The following DLGAP2 variants were observed in gnomAD, a reference collection of about 807,000 sequenced individuals.
The protein encoded by DLGAP2 is disks large-associated protein 2.
A neutral mutation model predicts 100.3 loss-of-function variants in DLGAP2; 26 were observed. The observed-to-expected ratio is 0.26, with a 90% CI of 0.19 to 0.36. DLGAP2 has a LOEUF of 0.36. DLGAP2 is among the 10% of genes least tolerant of loss of function. DLGAP2 has a pLI of 1.00. For synonymous variants in DLGAP2, 886 were observed against 630.1 expected (o/e 1.41, Z -6.08); for missense variants, 1,858 against 1,453.2 (o/e 1.28, Z -4.53).
chr8:1,376,394 C>G (rs894569146), intron 3 of DLGAP2, among the ~76,000 whole-genome samples: 4 of 152,244 alleles, frequency 2.6e-5, no homozygotes, highest in Non-Finnish European at 5.9e-5. Context: ...GAGGAGCTTC[C>G]TTGAAAAGCG....
At chr8:979,094 TA>T (rs1184528538) in intron 2 of DLGAP2, among the ~76,000 whole-genome samples, 2 of 152,110 alleles carry the variant, frequency 1.3e-5, no homozygotes, top group African/African-American at 4.8e-5. Context: ...TTAAGAATTC[TA>T]AATTGGGGGT....
At chr8:1,617,497 A>G (rs1187942617) in intron 6 of DLGAP2, among the ~76,000 whole-genome samples, 1 of 152,080 alleles carries the variant, frequency 6.6e-6, no homozygotes, top group Admixed American at 6.5e-5. Context: ...GCATTTTTTC[A>G]TGTGCTTGTT....
intron 3 of DLGAP2, among the ~76,000 whole-genome samples, chr8:1,358,278 A>C (rs2129644117): frequency 6.6e-6 from 1 of 152,294 alleles, no homozygotes; most frequent in Admixed American, 6.5e-5. Flanking sequence ...CTGAAGTATT[A>C]TCTTAACGTC....
intron 6 of DLGAP2, among the ~76,000 whole-genome samples, chr8:1,592,212 G>C (rs564292616): frequency 1.6e-4 from 24 of 152,292 alleles, no homozygotes; most frequent in African/African-American, 4.8e-4. Flanking sequence ...TGCCAGTTTA[G>C]TCCAGTTCAC....
At position 1,343,132 on chromosome 8, in the gene DLGAP2, TC is replaced by T. The variant is rs569654675; in HGVS notation, c.106+84253del. ...TAATTATTCACCAAGCGTGCAGAAGTCCCCAAGACCACCTGGAGGCTCAGGA... is the reference window on the plus strand; with the variant it reads ...TAATTATTCACCAAGCGTGCAGAAGTCCCAAGACCACCTGGAGGCTCAGGA... On this transcript the variant is annotated intron_variant, in intron 3 of 14. Coordinates refer to ENST00000637795, the MANE Select transcript of DLGAP2 (RefSeq NM_001346810.2). Among the ~76,000 whole-genome samples the T allele has an allele frequency of 2.6e-3, 396 of 152,174 alleles. 2 individuals are homozygous for T. The highest frequency in any genetic ancestry group is 9.1e-3 in the African/African-American group (376 of 41,500).
chr8:1,333,418 A>T (rs1801202300), intron 3 of DLGAP2, among the ~76,000 whole-genome samples: 1 of 152,122 alleles, frequency 6.6e-6, no homozygotes, highest in South Asian at 2.1e-4. Flanking sequence ...GTCTTCATTT[A>T]TCCAACTGTG....
intron 2 of DLGAP2, among the ~76,000 whole-genome samples, chr8:980,501 C>T (rs1488994172): frequency 3.9e-5 from 6 of 152,186 alleles, no homozygotes; most frequent in Admixed American, 6.5e-5. Flanking sequence ...TGCCTTGGAG[C>T]AGGGATTGGG....
At chr8:799,054 C>G (rs1796094873) in intron 1 of DLGAP2, among the ~76,000 whole-genome samples, 1 of 152,102 alleles carries the variant, frequency 6.6e-6, no homozygotes, top group Non-Finnish European at 1.5e-5. Flanking sequence ...TTAAGAGACT[C>G]TGTCGGTCCT....
At chr8:1,432,176 T>A (rs541943739) in intron 3 of DLGAP2, among the ~76,000 whole-genome samples, 94 of 152,354 alleles carry the variant, frequency 6.2e-4, no homozygotes, top group Non-Finnish European at 1.0e-3. Context: ...GAAACAAGTG[T>A]TTCTCTTTCT....
intron 1 of DLGAP2, among the ~76,000 whole-genome samples, chr8:830,274 C>T (rs1796756788): frequency 6.6e-6 from 1 of 152,124 alleles, no homozygotes; most frequent in South Asian, 2.1e-4. Flanking sequence ...GTATCCATCC[C>T]CTCAAGCATT....
chr8:1,555,070 T>C, intron 5 of DLGAP2, among the ~76,000 whole-genome samples: 1 of 152,250 alleles, frequency 6.6e-6, no homozygotes, highest in East Asian at 1.9e-4. Context: ...AAGTGGCTCA[T>C]GGTATAGATC....
intron 2 of DLGAP2, among the ~76,000 whole-genome samples, chr8:1,143,118 C>T (rs185044876): frequency 6.6e-6 from 1 of 152,298 alleles, no homozygotes; most frequent in East Asian, 1.9e-4. Context: ...CGGCCACCCT[C>T]CAGCCAGGGT....
At chr8:1,063,603 A>T (rs116826434) in intron 2 of DLGAP2, among the ~76,000 whole-genome samples, 2,186 of 143,246 alleles carry the variant, frequency 0.015, 60 homozygotes, top group African/African-American at 0.053. Context: ...CCTCTTTCTG[A>T]TGAAATAGAA....
At chr8:809,233 ACT>A (rs1216321546) in intron 1 of DLGAP2, among the ~76,000 whole-genome samples, 9 of 151,770 alleles carry the variant, frequency 5.9e-5, no homozygotes, top group Admixed American at 5.3e-4. Flanking sequence ...TTTTATTTAT[ACT>A]CTCTGTATTA....
intron 3 of DLGAP2, among the ~76,000 whole-genome samples, chr8:1,451,696 C>G (rs1294096996): frequency 1.3e-5 from 2 of 152,192 alleles, no homozygotes; most frequent in Non-Finnish European, 2.9e-5. Context: ...TCAGCCATCA[C>G]ACAGCCTCAT....
chr8:1,503,822 T>G lies in DLGAP2; in HGVS notation c.172+2391T>G, dbSNP rs549676262. The stretch of plus-strand genomic sequence containing the variant: ...GAAAGAAGGAAATGAGAGAATTTGG[T>G]GACGGTTGGCTGAGAGGACCCTCAA... On this transcript the variant is annotated intron_variant, in intron 4 of 14. Coordinates refer to ENST00000637795, the MANE Select transcript of DLGAP2 (RefSeq NM_001346810.2). Among the ~76,000 whole-genome samples, 138 of 152,260 alleles carry G rather than the reference T, an allele frequency of 9.1e-4. 1 individual carries two copies. Among genetic ancestry groups the G allele is most frequent in the Middle Eastern group, 6.8e-3 (2 of 294 alleles).
rs113994505 is a variant in DLGAP2, at chr8:1,517,648, A to C, written c.172+16217A>C. On this transcript the variant is annotated intron_variant, in intron 4 of 14. Transcript: ENST00000637795. ...GCACACACCTGCTAAAATGCACCACACAGCAGAAGGGCCTCCCGTTTCTGG... is the reference window on the plus strand; with the variant it reads ...GCACACACCTGCTAAAATGCACCACCCAGCAGAAGGGCCTCCCGTTTCTGG... 4.3e-3 allele frequency among the ~76,000 whole-genome samples: 654 copies of C among 152,256 alleles called. 4 individuals are homozygous for C. The highest frequency in any genetic ancestry group is 0.015 in the African/African-American group (626 of 41,548).
chr8:1,187,599 C>T lies in DLGAP2; in HGVS notation c.74-71252C>T, dbSNP rs1362398001. On this transcript the variant is annotated intron_variant, in intron 2 of 14. Coordinates refer to ENST00000637795, the MANE Select transcript of DLGAP2 (RefSeq NM_001346810.2). ...ACGCCCGGGACCTCCGTGACGTTTC[C>T]CTCACGGAATCTCACACACCCAGGA... Among the ~76,000 whole-genome samples the T allele has an allele frequency of 2.3e-4, 33 of 144,450 alleles. 1 individual carries two copies. The highest frequency in any genetic ancestry group is 1.8e-3 in the Admixed American group (26 of 14,252). The allele number at this position is 144,450 out of a possible 152,430, so 94.8% of individuals were successfully genotyped here.
intron 1 of DLGAP2, among the ~76,000 whole-genome samples, chr8:792,742 G>A (rs1344556746): frequency 6.6e-6 from 1 of 152,180 alleles, no homozygotes; most frequent in Non-Finnish European, 1.5e-5. Flanking sequence ...TCTGATAGGA[G>A]TTCCCCCATT....
Sources: gnomAD v4.1 joint callset for allele counts (sites outside exome capture counted in the v4.1 genomes callset) on GRCh38, gnomAD v4.1.1 for gene constraint, MANE v1.5 for transcripts, NCBI Gene and HGNC (gene_info 2026-07-23, HGNC 2026-07-21) for gene names.